CROCC: variants seen among roughly 807,000 people sequenced by gnomAD.
CROCC encodes rootletin.
Under a neutral mutation model 245.2 loss-of-function variants are expected in CROCC, and 180 were observed. The ratio of observed to expected loss-of-function variants is 0.73; its 90% CI spans 0.65 to 0.83. CROCC has a LOEUF of 0.83. Among genes scored for constraint, CROCC ranks in the 40% least tolerant of loss-of-function variants. The pLI, the probability that CROCC is intolerant of heterozygous loss-of-function variation, is 0.00. For missense variants in CROCC, 2,688 were observed against 2,779.4 expected (o/e 0.97, Z 0.74); for synonymous variants, 1,205 against 1,241.6 (o/e 0.97, Z 0.62).
rs370310464 is a variant in CROCC at position 16,966,135 on chromosome 1, G to C, written c.4696+16G>C. On this transcript the variant is annotated intron_variant, in intron 29 of 36. Transcript: ENST00000375541. The surrounding 1 kb of genome is among the most constrained non-coding windows in gnomAD (Gnocchi z 4.8). Reference sequence around the variant, plus strand: ...AGTGAGGAAGGTGAGTCTGATCCTCGGGGTCCCTGTTCTCTCTCCTGTGTT... The same window carrying C: ...AGTGAGGAAGGTGAGTCTGATCCTCCGGGTCCCTGTTCTCTCTCCTGTGTT... 3.1e-6 allele frequency: 5 copies of C among 1,603,140 alleles called. No individual in the cohort carries two copies. The highest frequency in any genetic ancestry group is 4.3e-6 in the Non-Finnish European group (5 of 1,172,692).
At chr1:16,914,552 A>G (rs2075283495) in intron 1 of CROCC, among the ~76,000 whole-genome samples, 2 of 152,260 alleles carry the variant, frequency 1.3e-5, no homozygotes, top group South Asian at 2.1e-4. Flanking sequence ...TTTCGTCTTC[A>G]TTGCAGCCCT....
intron 17 of CROCC, 127 bp from the exon 18 acceptor site, chr1:16,948,204 C>G: frequency 2.1e-6 from 3 of 1,422,242 alleles, no homozygotes; most frequent in Non-Finnish European, 2.8e-6. Context: ...TGTAGCACAT[C>G]AGGGCAGACC....
In CROCC at chr1:16,948,371, A is replaced by C. The variant is rs775149298; in HGVS notation, c.2555A>C (p.Gln852Pro). ...QLSGREQELE[Q>P]ARREAQRQVE... The stretch of plus-strand genomic sequence containing the variant: ...AGCGGGCGGGAGCAGGAGCTGGAGC[A>C]GGCCCGGCGGGAGGCCCAGCGGCAA... The change falls in exon 18 of 37, where the codon CAG (glutamine) becomes CCG (proline). Residue 852 changes from glutamine (Q) to proline (P), a missense_variant. This residue lies in a region of CROCC where 295 missense variants were observed against 241.7 expected (regional missense o/e 1.22). Transcript: ENST00000375541. 1 of 1,579,078 alleles carries C rather than the reference A, an allele frequency of 6.3e-7. No individual in the cohort carries two copies. Among genetic ancestry groups the C allele is most frequent in the Non-Finnish European group, 8.6e-7 (1 of 1,165,776 alleles).
intron 13 of CROCC, among the ~76,000 whole-genome samples, chr1:16,943,844 A>C (rs1353004426): frequency 2.6e-5 from 4 of 152,278 alleles, no homozygotes; most frequent in African/African-American, 9.6e-5. Flanking sequence ...TCTACCTGGT[A>C]GGGTGCTTGG....
chr1:16,932,588 C>A (rs1425444404), intron 8 of CROCC, among the ~76,000 whole-genome samples: 4 of 152,204 alleles, frequency 2.6e-5, no homozygotes, highest in Admixed American at 2.6e-4. Flanking sequence ...TGCACAGAGC[C>A]TCAAGGGATG....
chr1:16,932,247 C>T lies in CROCC; in HGVS notation c.956+850C>T, dbSNP rs1479926165. Among the ~76,000 whole-genome samples, 6 of 152,208 alleles carry T rather than the reference C, an allele frequency of 3.9e-5. No individual in the cohort carries two copies. In the South Asian group the frequency reaches 8.3e-4, roughly 21 times the overall value. On this transcript the variant is annotated intron_variant, in intron 8 of 36. Coordinates refer to ENST00000375541, the MANE Select transcript of CROCC (RefSeq NM_014675.5). ...TCACCTGAGGTTAGGAGTTCAAGACCAGCCTCAACATGGAGAAACCCTGTC... is the reference window on the plus strand; with the variant it reads ...TCACCTGAGGTTAGGAGTTCAAGACTAGCCTCAACATGGAGAAACCCTGTC...
intron 7 of CROCC, 28 bp from the exon 8 acceptor site, chr1:16,931,263 C>T: frequency 3.1e-6 from 5 of 1,588,842 alleles, no homozygotes; most frequent in Non-Finnish European, 4.3e-6. Context: ...CTCACACCAA[C>T]CCTTCCCTCG....
rs780470953 is a variant in CROCC, at chr1:16,930,331, G to A, written c.667G>A (p.Glu223Lys). The part of the protein sequence containing the change: ...QDLESALIRL[E>K]EEQQRSASLA... ...CCTGGAAAGCGCCCTCATCCGGCTGGAGGAGGAGCAGCAGAGGTGAGGGCG... is the reference window on the plus strand; with the variant it reads ...CCTGGAAAGCGCCCTCATCCGGCTGAAGGAGGAGCAGCAGAGGTGAGGGCG... Residue 223 changes from glutamate (E) to lysine (K), a missense_variant, in exon 6 of 37, where the codon GAG (glutamate) becomes AAG (lysine). Physicochemically the swap from Glu to Lys is moderately conservative, Grantham distance 56. Transcript: ENST00000375541. The A allele has an allele frequency of 6.2e-7, 1 of 1,610,370 alleles. No homozygotes were observed. Among genetic ancestry groups the A allele is most frequent in the Admixed American group, 1.7e-5 (1 of 59,684 alleles).
At chr1:16,941,379 C>T (rs1488662420) in intron 13 of CROCC, 41 of 152,438 alleles carry the variant, frequency 2.7e-4, no homozygotes, top group Non-Finnish European at 7.3e-5. Flanking sequence ...GAGCCAGGAT[C>T]GTGCCACTGC....
At chr1:16,964,599 G>A (rs1447655159) in intron 27 of CROCC, among the ~76,000 whole-genome samples, 2 of 151,860 alleles carry the variant, frequency 1.3e-5, no homozygotes, top group Non-Finnish European at 2.9e-5. Context: ...TGGCCAGGCC[G>A]GTCTCGAACT....
At chr1:16,960,705 G>T in intron 26 of CROCC, 53 bp from the exon 27 acceptor site, 1 of 1,430,568 alleles carries the variant, frequency 7.0e-7, no homozygotes, top group Admixed American at 2.4e-5. Flanking sequence ...TTAGGGGTGG[G>T]GCGTCGGGTT....
Position 16,966,182 on chromosome 1 carries a change from C to T in CROCC, c.4696+63C>T, listed in dbSNP as rs185408954. ...TGTTTTGGGCAGTTGAGGCAGGAGCCGGGGGATTGGCCTCTGACCTTGCCG... is the reference window on the plus strand; with the variant it reads ...TGTTTTGGGCAGTTGAGGCAGGAGCTGGGGGATTGGCCTCTGACCTTGCCG... On this transcript the variant is annotated intron_variant, in intron 29 of 36. Coordinates refer to ENST00000375541, the MANE Select transcript of CROCC (RefSeq NM_014675.5). The surrounding 1 kb of genome is among the most constrained non-coding windows in gnomAD (Gnocchi z 4.8). The T allele has an allele frequency of 1.8e-4, 279 of 1,557,800 alleles. 1 individual carries two copies. The African/African-American group carries it at 2.5e-3, about 14-fold the overall frequency.
At position 16,965,901 on chromosome 1, in the gene CROCC, G is replaced by A. The variant is rs1303819114; in HGVS notation, c.4575+9G>A. 1.2e-6 allele frequency: 2 copies of A among 1,611,432 alleles called. No homozygotes were observed. The highest frequency in any genetic ancestry group is 1.7e-6 in the Non-Finnish European group (2 of 1,178,342). ...GTGCCCAGAGAGAACGGGTAAGCCT[G>A]GGTGTGCATGGCTGGATGGGGAACC... On this transcript the variant is annotated intron_variant, in intron 28 of 36. Transcript: ENST00000375541.
chr1:16,966,054 C>T lies in CROCC; in HGVS notation c.4631C>T (p.Ala1544Val). ...AATCGCCAGCTGGCCGAGATGGAGG[C>T]TGAGAGGGACAGCGCAACCTCGAGG... ...ALNRQLAEMEAERDSATSRAR... is the reference protein window; with the variant it reads ...ALNRQLAEMEVERDSATSRAR... The change falls in exon 29 of 37, where the codon GCT becomes GTT. Residue 1544 changes from alanine to valine, a missense_variant. Around this residue, in one of 9 missense-constraint regions of CROCC, gnomAD observed 1,218 missense variants for 1,286.3 expected, o/e 0.95. Transcript: ENST00000375541. This position sits in a 1 kb window ranked among gnomAD's most constrained non-coding sequence, Gnocchi z 4.8. 6.2e-7 allele frequency: 1 copy of T among 1,613,934 alleles called. No homozygotes were observed.
chr1:16,946,455 A>T, intron 16 of CROCC, 50 bp downstream of exon 16: 2 of 1,589,596 alleles, frequency 1.3e-6, no homozygotes. Flanking sequence ...CATCCTCCCC[A>T]CTCAGTGAGG....
At chr1:16,965,503 G>T (rs2076401985) in intron 27 of CROCC, among the ~76,000 whole-genome samples, 1 of 152,242 alleles carries the variant, frequency 6.6e-6, no homozygotes. Context: ...AGGCCCTGGA[G>T]CTGGGACAAA....
chr1:16,968,923 C>G, intron 31 of CROCC, 193 bp from the exon 32 acceptor site: 1 of 678,770 alleles, frequency 1.5e-6, no homozygotes, highest in East Asian at 2.7e-5. Context: ...AGTTAGCCAG[C>G]AATGGGATGG....
intron 27 of CROCC, among the ~76,000 whole-genome samples, chr1:16,964,605 G>A (rs12142364): frequency 0.018 from 2,686 of 152,188 alleles, 37 homozygotes; most frequent in Non-Finnish European, 0.028. Context: ...GGCCGGTCTC[G>A]AACTGCTGAC....
At position 16,961,145 on chromosome 1, in the gene CROCC, G is replaced by T. The variant is rs1180983642; in HGVS notation, c.4405+15G>T. 20 of 1,301,360 alleles carry T rather than the reference G, an allele frequency of 1.5e-5. No individual in the cohort carries two copies. Among genetic ancestry groups the T allele is most frequent in the Non-Finnish European group, 1.9e-5 (19 of 1,026,116 alleles). The allele number at this position is 1,301,360 out of a possible 1,614,324, so 80.6% of individuals were successfully genotyped here. A position where few individuals can be genotyped will look rare whatever the true frequency, so the allele number is the denominator to read the frequency against. ...ACCCGCAGAAGGTAAGGGCAGTGCCGCGCGCAGGGAAGGGGGGAGGTGGGC... is the reference window on the plus strand; with the variant it reads ...ACCCGCAGAAGGTAAGGGCAGTGCCTCGCGCAGGGAAGGGGGGAGGTGGGC... On this transcript the variant is annotated intron_variant, in intron 27 of 36. Coordinates refer to ENST00000375541, the MANE Select transcript of CROCC (RefSeq NM_014675.5).
Sources: gnomAD v4.1 joint callset for allele counts (sites outside exome capture counted in the v4.1 genomes callset) on GRCh38, gnomAD v4.1.1 for gene constraint, gnomAD v4.1.1 regional missense constraint, Gnocchi (gnomAD v3.1) non-coding constraint, MANE v1.5 for transcripts, NCBI Gene and HGNC (gene_info 2026-07-23, HGNC 2026-07-21) for gene names.